CDCA2: variants seen among roughly 807,000 people sequenced by gnomAD.
The protein encoded by CDCA2 is cell division cycle-associated protein 2.
CDCA2 carries 44 observed loss-of-function variants against 67.0 expected under a neutral mutation model. The ratio of observed to expected loss-of-function variants is 0.66; its 90% CI spans 0.52 to 0.84. CDCA2 has a LOEUF of 0.84. Among genes scored for constraint, CDCA2 ranks in the 40% least tolerant of loss-of-function variants. The probability of loss-of-function intolerance (pLI) is 0.00; values close to 1 mark genes in which losing one functional copy is unlikely to be tolerated. For synonymous variants in CDCA2, 447 were observed against 418.7 expected (o/e 1.07, Z -0.82); for missense variants, 1,253 against 1,203.2 (o/e 1.04, Z -0.61).
chr8:25,466,703 A>G (rs1275579440), intron 5 of CDCA2, among the ~76,000 whole-genome samples: 9 of 152,300 alleles, frequency 5.9e-5, no homozygotes, highest in South Asian at 4.1e-4. Context: ...AAATAAATTC[A>G]TATAAATTTT....
rs116742855 is a variant in CDCA2 at position 25,484,045 on chromosome 8, C to T, written c.1200C>T (p.Ser400=). Residue 400 remains serine (S), a synonymous_variant, in exon 10 of 15, where the codon AGC becomes AGT. Coordinates refer to ENST00000330560, the MANE Select transcript of CDCA2 (RefSeq NM_152562.4). ...GAGTTACTTTTGGAGAGGACTTAAG[C>T]CCGGAAGTGTTTGATGAATCTTTGC... is the stretch of plus-strand genomic sequence containing the variant. ...RKRVTFGEDL[S]PEVFDESLPA... is the part of the protein sequence containing the mutation. The T allele has an allele frequency of 1.2e-6, 2 of 1,614,112 alleles. No individual in the cohort carries two copies. Among genetic ancestry groups the T allele is most frequent in the Non-Finnish European group, 1.7e-6 (2 of 1,180,018 alleles).
At chr8:25,466,138 G>C in intron 4 of CDCA2, 37 bp from the exon 5 acceptor site, 2 of 1,562,894 alleles carry the variant, frequency 1.3e-6, no homozygotes, top group Non-Finnish European at 1.7e-6. Flanking sequence ...AGTATGAATT[G>C]ATTATAATAC....
In CDCA2 at chr8:25,460,481, A is replaced by T; in HGVS notation, c.159A>T (p.Ser53=). Residue 53 remains serine, a synonymous_variant, in exon 3 of 15, where the codon TCA becomes TCT. Coordinates refer to ENST00000330560, the MANE Select transcript of CDCA2 (RefSeq NM_152562.4). ...PNPCTPDTFK[S]PLNFSTVTVE... is the part of the protein sequence containing the mutation. The stretch of plus-strand genomic sequence containing the variant: ...CTTGCACACCAGATACTTTTAAATC[A>T]CCTTTGAACTTTTCCACAGTAACCG... 1 of 1,614,164 alleles carries T rather than the reference A, an allele frequency of 6.2e-7. No individual in the cohort carries two copies. Among genetic ancestry groups the T allele is most frequent in the East Asian group, 2.2e-5 (1 of 44,880 alleles).
intron 1 of CDCA2, 57 bp from the exon 2 acceptor site, chr8:25,460,183 G>T: frequency 6.5e-7 from 1 of 1,533,684 alleles, no homozygotes; most frequent in Non-Finnish European, 9.0e-7. Flanking sequence ...GTACGTGATC[G>T]AATCACGTTC....
chr8:25,477,298 C>T (rs576205304), intron 7 of CDCA2, among the ~76,000 whole-genome samples: 7 of 152,334 alleles, frequency 4.6e-5, no homozygotes, highest in African/African-American at 1.7e-4. Flanking sequence ...TTTTCCCTTG[C>T]ATCACTGACC....
rs1414779980 is a variant in CDCA2, at chr8:25,503,435, T to C, written c.1734T>C (p.Tyr578=). The stretch of plus-strand genomic sequence containing the variant: ...AGAAAAGTGTTCAGAAATCTTTATA[T>C]GGGGAAAGAGACATTGCTTCTAAGA... ...KGKKSVQKSL[Y]GERDIASKKP... The change falls in exon 14 of 15, where the codon TAT becomes TAC. Residue 578 remains tyrosine, a synonymous_variant. Transcript: ENST00000330560. The C allele has an allele frequency of 1.6e-5, 26 of 1,613,988 alleles. No individual in the cohort carries two copies. The highest frequency in any genetic ancestry group is 1.9e-5 in the Non-Finnish European group (23 of 1,179,952).
chr8:25,499,966 G>A (rs1804407124), intron 13 of CDCA2, among the ~76,000 whole-genome samples: 1 of 152,182 alleles, frequency 6.6e-6, no homozygotes, highest in African/African-American at 2.4e-5. Flanking sequence ...TCATGACTAA[G>A]ATCAGCTCTG....
chr8:25,501,306 G>C (rs1804466009), intron 13 of CDCA2, among the ~76,000 whole-genome samples: 1 of 152,164 alleles, frequency 6.6e-6, no homozygotes, highest in South Asian at 2.1e-4. Flanking sequence ...ACATAGTTTT[G>C]TGCCATTTCT....
rs571645814 is a variant in CDCA2, at chr8:25,494,536, A to G, written c.1671+5847A>G. On this transcript the variant is annotated intron_variant, in intron 13 of 14. Coordinates refer to ENST00000330560, the MANE Select transcript of CDCA2 (RefSeq NM_152562.4). Reference sequence around the variant, plus strand: ...AATACTGTGCCATTTTATGTCGGGGACTTGAGTATCTGCAGATTTTTGGTA... The same window carrying G: ...AATACTGTGCCATTTTATGTCGGGGGCTTGAGTATCTGCAGATTTTTGGTA... Among the ~76,000 whole-genome samples, 9 of 152,178 alleles carry G rather than the reference A, an allele frequency of 5.9e-5. No homozygotes were observed. In the South Asian group the frequency reaches 1.9e-3, roughly 32 times the overall value.
intron 4 of CDCA2, 55 bp downstream of exon 4, chr8:25,462,263 T>TAG: frequency 6.4e-7 from 1 of 1,550,708 alleles, no homozygotes; most frequent in Non-Finnish European, 8.9e-7. Context: ...CTTTTGTGCT[T>TAG]TCTTTACACC....
Position 25,484,366 on chromosome 8 carries a change from T to G in CDCA2, c.1365+156T>G, listed in dbSNP as rs112050807. Among the ~76,000 whole-genome samples the G allele has an allele frequency of 4.9e-3, 743 of 152,302 alleles. 7 individuals are homozygous for G. Among genetic ancestry groups the G allele is most frequent in the Middle Eastern group, 0.037 (11 of 294 alleles). The stretch of plus-strand genomic sequence containing the variant: ...TATTTTGTATGTAGGTTTTTATGAG[T>G]TTTTGCCCATTACAAATAATACTTC... On this transcript the variant is annotated intron_variant, in intron 10 of 14. Transcript: ENST00000330560.
At chr8:25,495,688 G>A (rs1446238221) in intron 13 of CDCA2, among the ~76,000 whole-genome samples, 2 of 152,140 alleles carry the variant, frequency 1.3e-5, no homozygotes, top group Non-Finnish European at 2.9e-5. Context: ...CCAAAGTGCT[G>A]GGATTACAGG....
Position 25,462,173 on chromosome 8 carries a change from A to G in CDCA2, c.352A>G (p.Arg118Gly), listed in dbSNP as rs1802720314. 6.2e-7 allele frequency: 1 copy of G among 1,614,204 alleles called. No homozygotes were observed. Among genetic ancestry groups the G allele is most frequent in the Admixed American group, 1.7e-5 (1 of 60,030 alleles). The change falls in exon 4 of 15, where the codon AGG (arginine) becomes GGG (glycine). Residue 118 changes from arginine (R) to glycine (G), a missense_variant. Arg to Gly is a moderately radical substitution (Grantham distance 125). Transcript: ENST00000330560. ...IARQQNIKNA[R>G]KSPLAQDSPS... is the part of the protein sequence containing the mutation. ...TCGGCAGCAAAATATAAAGAATGCT[A>G]GGAAATCTCCTTTGGCACAAGATTC...
rs116715859 is a variant in CDCA2, at chr8:25,484,235, G to A, written c.1365+25G>A. The A allele has an allele frequency of 1.1e-3, 1,723 of 1,608,424 alleles. 22 individuals are homozygous for A. In the African/African-American group the frequency reaches 0.02, roughly 19 times the overall value. On this transcript the variant is annotated intron_variant, in intron 10 of 14. Transcript: ENST00000330560. The stretch of plus-strand genomic sequence containing the variant: ...TGTAAGTATGAAAAGCGTGGAACAA[G>A]CTTGCCATATGTATTTTCATCAGGC...
At position 25,484,293 on chromosome 8, in the gene CDCA2, T is replaced by A. The variant is rs182213919; in HGVS notation, c.1365+83T>A. The A allele has an allele frequency of 4.0e-5, 60 of 1,499,694 alleles. 1 individual carries two copies. In the East Asian group the frequency reaches 1.3e-3, roughly 33 times the overall value. The allele number at this position is 1,499,694 out of a possible 1,614,324, so 92.9% of individuals were successfully genotyped here. A position where few individuals can be genotyped will look rare whatever the true frequency, so the allele number is the denominator to read the frequency against. ...GCTTTGCATGAGCAATAACTATGCT[T>A]TGAAATAATGAGATAGACTAAATGA... On this transcript the variant is annotated intron_variant, in intron 10 of 14. Coordinates refer to ENST00000330560, the MANE Select transcript of CDCA2 (RefSeq NM_152562.4).
chr8:25,462,291 T>C, intron 4 of CDCA2, 83 bp downstream of exon 4: 1 of 1,420,194 alleles, frequency 7.0e-7, no homozygotes, highest in Non-Finnish European at 9.8e-7. Context: ...GCATCTGCTC[T>C]GTTTCAAATC....
rs764768531 is a variant in CDCA2 at position 25,507,305 on chromosome 8, C to A, written c.2639C>A (p.Thr880Asn). 2.5e-6 allele frequency: 4 copies of A among 1,614,138 alleles called. No individual in the cohort carries two copies. In the Admixed American group the frequency reaches 6.7e-5, roughly 27 times the overall value. ...FKDLSDAIEQ[T>N]FQRRNSETKV... ...GATTTGTCTGATGCCATTGAGCAAA[C>A]CTTTCAGAGGAGAAATAGTGAAACC... The change falls in exon 15 of 15, where the codon ACC (threonine) becomes AAC (asparagine). Residue 880 changes from threonine to asparagine, a missense_variant. Transcript: ENST00000330560.
chr8:25,468,578 C>T (rs1308902560), intron 6 of CDCA2, among the ~76,000 whole-genome samples, 165 bp downstream of exon 6: 2 of 91,288 alleles, frequency 2.2e-5, no homozygotes, highest in Non-Finnish European at 5.2e-5. Flanking sequence ...TGTGTGTTTC[C>T]TACCTGTTAA....
chr8:25,500,828 A>T (rs997046411), intron 13 of CDCA2, among the ~76,000 whole-genome samples: 4 of 152,210 alleles, frequency 2.6e-5, no homozygotes, highest in Non-Finnish European at 2.9e-5. Flanking sequence ...CTTTATGTGG[A>T]GTGTGCTGTT....
Sources: gnomAD v4.1 joint callset for allele counts (sites outside exome capture counted in the v4.1 genomes callset) on GRCh38, gnomAD v4.1.1 for gene constraint, MANE v1.5 for transcripts, NCBI Gene and HGNC (gene_info 2026-07-23, HGNC 2026-07-21) for gene names.